The following METTL3 variants were observed in gnomAD, a reference collection of about 807,000 sequenced individuals.
METTL3 encodes N(6)-adenosine-methyltransferase catalytic subunit METTL3.
Under a neutral mutation model 64.3 loss-of-function variants are expected in METTL3, and 42 were observed. The observed-to-expected ratio is 0.65, with a 90% CI of 0.51 to 0.84. The LOEUF (loss-of-function observed/expected upper bound fraction) is 0.84, where lower values mean the gene tolerates loss of function less well. Among genes scored for constraint, METTL3 ranks in the 40% least tolerant of loss-of-function variants. The probability of loss-of-function intolerance (pLI) is 0.00; values close to 1 mark genes in which losing one functional copy is unlikely to be tolerated. For missense variants in METTL3, 435 were observed against 722.3 expected (o/e 0.60, Z 4.56); for synonymous variants, 256 against 263.6 (o/e 0.97, Z 0.28).
intron 1 of METTL3, among the ~76,000 whole-genome samples, chr14:21,507,132 G>A (rs1439697699): frequency 6.6e-6 from 1 of 151,788 alleles, no homozygotes; most frequent in East Asian, 1.9e-4. Context: ...AGTGAGGTGA[G>A]ATGGCACCAC....
rs186520725 is a variant in METTL3, at chr14:21,510,996, G to A, written c.100+128C>T. 4.0e-4 allele frequency: 419 copies of A among 1,044,494 alleles called. No individual in the cohort carries two copies. The African/African-American group carries it at 6.2e-3, about 16-fold the overall frequency. The allele number at this position is 1,044,494 out of a possible 1,614,324, so 64.7% of individuals were successfully genotyped here. ...ACGTCTGCTGCTGAAGGTGGAGAGG[G>A]AGTACCAATGTACGAGGCTTTATAG... On this transcript the variant is annotated intron_variant, in intron 1 of 10. Coordinates refer to ENST00000298717, the MANE Select transcript of METTL3 (RefSeq NM_019852.5).
In METTL3 at chr14:21,504,145, A is replaced by C. The variant is rs547888739; in HGVS notation, c.101-264T>G. On this transcript the variant is annotated intron_variant, in intron 1 of 10. Coordinates refer to ENST00000298717, the MANE Select transcript of METTL3 (RefSeq NM_019852.5). ...AATTCCCTATCCTTGCTGTGATACAAAGAAAGTAAATTAGCATGATAGATT... is the reference window on the plus strand; with the variant it reads ...AATTCCCTATCCTTGCTGTGATACACAGAAAGTAAATTAGCATGATAGATT... 3.5e-5 allele frequency: 15 copies of C among 430,464 alleles called. No homozygotes were observed. The East Asian group carries it at 6.7e-4, about 19-fold the overall frequency. The allele number at this position is 430,464 out of a possible 1,614,324, so 26.7% of individuals were successfully genotyped here. A position where few individuals can be genotyped will look rare whatever the true frequency, so the allele number is the denominator to read the frequency against.
At chr14:21,504,184 C>T (rs990868995) in intron 1 of METTL3, 1 of 334,650 alleles carries the variant, frequency 3.0e-6, no homozygotes, top group Non-Finnish European at 5.7e-6. Context: ...ATATCCCTAC[C>T]ACCTTTCTAT....
intron 6 of METTL3, among the ~76,000 whole-genome samples, chr14:21,500,241 G>A (rs1229544929): frequency 6.6e-6 from 1 of 152,114 alleles, no homozygotes; most frequent in Non-Finnish European, 1.5e-5. Context: ...GCACGTGCCT[G>A]TAATCCCAGC....
chr14:21,501,643 A>C, intron 4 of METTL3, 85 bp downstream of exon 4: 2 of 1,551,082 alleles, frequency 1.3e-6, no homozygotes, highest in Non-Finnish European at 1.8e-6. Flanking sequence ...GATTACAGAC[A>C]GAACCCCAAT....
chr14:21,511,320 C>G lies in METTL3; in HGVS notation c.-97G>C. 6.7e-7 allele frequency: 1 copy of G among 1,482,776 alleles called. No homozygotes were observed. The highest frequency in any genetic ancestry group is 9.0e-7 in the Non-Finnish European group (1 of 1,111,940). 91.9% of individuals were successfully genotyped at this position (1,482,776 alleles called of 1,614,324 possible). On this transcript the variant is annotated 5_prime_UTR_variant, in exon 1 of 11. Transcript: ENST00000298717. ...ATATAGCCAATTCTCACGCGGACACCCCGAAGGCTAACCGGAAAATGACCC... is the reference window on the plus strand; with the variant it reads ...ATATAGCCAATTCTCACGCGGACACGCCGAAGGCTAACCGGAAAATGACCC...
intron 6 of METTL3, among the ~76,000 whole-genome samples, chr14:21,500,119 G>A (rs1891522494): frequency 6.6e-6 from 1 of 152,180 alleles, no homozygotes; most frequent in South Asian, 2.1e-4. Context: ...CAGCACTTTA[G>A]GAGCTCGAGG....
At position 21,501,026 on chromosome 14, in the gene METTL3, C is replaced by G. The variant is rs1229287194; in HGVS notation, c.1003G>C (p.Ala335Pro). 2 of 1,614,084 alleles carry G rather than the reference C, an allele frequency of 1.2e-6. No homozygotes were observed. The highest frequency in any genetic ancestry group is 2.2e-5 in the South Asian group (2 of 91,084). The change falls in exon 5 of 11, where the codon GCT (alanine) becomes CCT (proline). Residue 335 changes from alanine (A) to proline (P), a missense_variant. Coordinates refer to ENST00000298717, the MANE Select transcript of METTL3 (RefSeq NM_019852.5). ...TCKYVHYEID[A>P]CMDSEAPGSK... ...CCAGGGGCCTCAGAATCCATGCAAG[C>G]ATCAATTTCATAGTGAACATACTTG...
rs759161561 is a variant in METTL3 at position 21,500,841 on chromosome 14, T to G, written c.1116+72A>C. ...AAGATTGCTGAATTATGCTCTGCTT[T>G]CTTAACGTGTATGGCTGCCCTATCA... On this transcript the variant is annotated intron_variant, in intron 5 of 10. Transcript: ENST00000298717. The G allele has an allele frequency of 2.0e-6, 3 of 1,485,828 alleles. No homozygotes were observed. The Admixed American group carries it at 5.9e-5, about 29-fold the overall frequency. 92.0% of individuals were successfully genotyped at this position (1,485,828 alleles called of 1,614,324 possible). A position where few individuals can be genotyped will look rare whatever the true frequency, so the allele number is the denominator to read the frequency against.
chr14:21,498,234 T>G lies in METTL3; in HGVS notation c.*24A>C, dbSNP rs1157108027. ...AGCTTACAGAGCCATGGCTATGGATTCTTAGCTCTGTAAGGAAGTGCTTCT... is the reference window on the plus strand; with the variant it reads ...AGCTTACAGAGCCATGGCTATGGATGCTTAGCTCTGTAAGGAAGTGCTTCT... On this transcript the variant is annotated 3_prime_UTR_variant, in exon 11 of 11. Transcript: ENST00000298717. 1.5e-6 allele frequency: 2 copies of G among 1,342,692 alleles called. No homozygotes were observed. The highest frequency in any genetic ancestry group is 2.9e-5 in the African/African-American group (2 of 69,710). 83.2% of individuals were successfully genotyped at this position (1,342,692 alleles called of 1,614,324 possible).
chr14:21,511,274 C>T lies in METTL3; in HGVS notation c.-51G>A. On this transcript the variant is annotated 5_prime_UTR_variant, in exon 1 of 11. In the 5' UTR this introduces an upstream ATG that the reference lacks. Transcript: ENST00000298717. ...TCGAATAAGGCGCGGCGGACTAGCA[C>T]CTCCCAGCACTCGCTCCAGGATATA... 11 of 1,581,072 alleles carry T rather than the reference C, an allele frequency of 7.0e-6. No individual in the cohort carries two copies. Among genetic ancestry groups the T allele is most frequent in the Non-Finnish European group, 9.4e-6 (11 of 1,164,128 alleles).
intron 1 of METTL3, among the ~76,000 whole-genome samples, chr14:21,506,076 T>C (rs1053132184): frequency 1.3e-5 from 2 of 151,644 alleles, no homozygotes; most frequent in Admixed American, 6.6e-5. Flanking sequence ...TGAGACGGAG[T>C]CTTGCTCTGT....
At chr14:21,510,920 G>C (rs1027348320) in intron 1 of METTL3, 2 of 562,712 alleles carry the variant, frequency 3.6e-6, no homozygotes, top group African/African-American at 3.9e-5. Flanking sequence ...TGAGCTGGAA[G>C]AACCGAGGCC....
rs1891628233 is a variant in METTL3 at position 21,503,710 on chromosome 14, A to T, written c.272T>A (p.Leu91Ter). ...GGACACAGCATCAGTGGGCAATGTT[A>T]AGGCCAGATCAGAGAGGTGGTGTAG... The part of the protein sequence containing the change: ...KLLHHLSDLA[L>*]TLPTDAVSIC... The change falls in exon 2 of 11, where the codon TTA becomes TAA. Residue 91 changes from leucine to a stop codon, truncating the protein, a stop_gained. Transcript: ENST00000298717. LOFTEE classifies it high-confidence loss of function. 2.5e-6 allele frequency: 4 copies of T among 1,614,226 alleles called. No homozygotes were observed. Among genetic ancestry groups the T allele is most frequent in the Non-Finnish European group, 3.4e-6 (4 of 1,180,028 alleles).
At chr14:21,508,313 A>G (rs956773133) in intron 1 of METTL3, 1 of 152,178 alleles carries the variant, frequency 6.6e-6, no homozygotes, top group Non-Finnish European at 1.5e-5. Flanking sequence ...CTAGCTAAAT[A>G]TACAAATCAA....
At position 21,501,739 on chromosome 14, in the gene METTL3, CT is replaced by C; in HGVS notation, c.887del (p.Lys296SerfsTer16). On this transcript the variant is annotated frameshift_variant, in exon 4 of 11. Transcript: ENST00000298717. LOFTEE classifies it high-confidence loss of function. ...CCCTTCCAAGAGACCTGAAGTGCAG[CT>C]TGCGACAGGGTCGATCAGCATCACT... Reference protein sequence around the residue: ...KASDADRPCRKLHFRRIINKH... With the variant: ...KASDADRPCRXLHFRRIINKH... 1 of 1,614,198 alleles carries C rather than the reference CT, an allele frequency of 6.2e-7. No individual in the cohort carries two copies. Among genetic ancestry groups the C allele is most frequent in the Non-Finnish European group, 8.5e-7 (1 of 1,180,012 alleles).
rs141828385 is a variant in METTL3 at position 21,500,870 on chromosome 14, A to C, written c.1116+43T>G. 1,628 of 1,578,022 alleles carry C rather than the reference A, an allele frequency of 1.0e-3. 11 individuals carry two copies. In the African/African-American group the frequency reaches 0.011, roughly 10 times the overall value. ...AACGTGTATGGCTGCCCTATCAAACATAAGTCCGTAAGTTGAGACGAGTTT... is the reference window on the plus strand; with the variant it reads ...AACGTGTATGGCTGCCCTATCAAACCTAAGTCCGTAAGTTGAGACGAGTTT... On this transcript the variant is annotated intron_variant, in intron 5 of 10. Coordinates refer to ENST00000298717, the MANE Select transcript of METTL3 (RefSeq NM_019852.5).
chr14:21,498,490 AAG>A, intron 10 of METTL3, 121 bp from the exon 11 acceptor site: 1 of 902,356 alleles, frequency 1.1e-6, no homozygotes, highest in Middle Eastern at 2.3e-4. Flanking sequence ...CAATTCTAAA[AAG>A]AGCTTAACAT....
Position 21,503,579 on chromosome 14 carries a change from T to G in METTL3, c.319-2A>C. 7 of 1,613,032 alleles carry G rather than the reference T, an allele frequency of 4.3e-6. No individual in the cohort carries two copies. The highest frequency in any genetic ancestry group is 5.9e-6 in the Non-Finnish European group (7 of 1,179,544). ...ATCTTGAGTGGCAGGAGCATCTGGC[T>G]AGAGAACGAGGGGAGGTATGGGCAA... On this transcript the variant is annotated splice_acceptor_variant, in intron 2 of 10. Coordinates refer to ENST00000298717, the MANE Select transcript of METTL3 (RefSeq NM_019852.5). LOFTEE classifies it high-confidence loss of function.
Sources: gnomAD v4.1 joint callset for allele counts (sites outside exome capture counted in the v4.1 genomes callset) on GRCh38, gnomAD v4.1.1 for gene constraint, MANE v1.5 for transcripts, NCBI Gene and HGNC (gene_info 2026-07-23, HGNC 2026-07-21) for gene names.